The following CUL4A variants were observed in gnomAD, a reference collection of about 807,000 sequenced individuals.
CUL4A encodes the protein cullin-4A.
A neutral mutation model predicts 95.5 loss-of-function variants in CUL4A; 16 were observed. That is an observed-to-expected ratio of 0.17 (90% confidence interval 0.11 to 0.25). The LOEUF (loss-of-function observed/expected upper bound fraction) is 0.25. Ranked by LOEUF, CUL4A falls within the 10% of genes least tolerant of loss-of-function variation. The pLI, the probability that CUL4A is intolerant of heterozygous loss-of-function variation, is 1.00. For synonymous variants in CUL4A, 380 were observed against 353.1 expected (o/e 1.08, Z -0.85); for missense variants, 610 against 937.0 (o/e 0.65, Z 4.56).
chr13:113,208,267 C>A, upstream of CUL4A: 1 of 1,441,978 alleles, frequency 6.9e-7, no homozygotes, highest in African/African-American at 1.4e-5. Context: ...CGGCGTGGCC[C>A]GCAGGCCCTT....
At chr13:113,216,408 T>G (rs1262662402) in intron 2 of CUL4A, among the ~76,000 whole-genome samples, 1 of 152,266 alleles carries the variant, frequency 6.6e-6, no homozygotes, top group African/African-American at 2.4e-5. Flanking sequence ...AATCATTTGA[T>G]GAACCTGCTA....
At chr13:113,263,263 G>A (rs2042336804) in intron 19 of CUL4A, among the ~76,000 whole-genome samples, 1 of 152,150 alleles carries the variant, frequency 6.6e-6, no homozygotes, top group East Asian at 1.9e-4. Context: ...AACTCACATG[G>A]ACGCTTTTTT....
intron 12 of CUL4A, 24 bp from the exon 13 acceptor site, chr13:113,244,924 AT>A (rs1409152704): frequency 7.0e-7 from 1 of 1,427,108 alleles, no homozygotes; most frequent in Non-Finnish European, 9.9e-7. Context: ...TGATGTCTTG[AT>A]TATTCTCGTC....
intron 5 of CUL4A, chr13:113,230,184 A>T (rs906763202): frequency 6.5e-6 from 1 of 153,716 alleles, no homozygotes; most frequent in South Asian, 2.1e-4. Context: ...TTCTTCTCAC[A>T]TTCATACATA....
rs527575602 is a variant in CUL4A at position 113,263,584 on chromosome 13, G to A, written c.*2G>A. 36 of 1,568,268 alleles carry A rather than the reference G, an allele frequency of 2.3e-5. No homozygotes were observed. The highest frequency in any genetic ancestry group is 2.8e-5 in the Non-Finnish European group (32 of 1,151,692). Reference sequence around the variant, plus strand: ...AATCAGTACCACTACGTGGCCTGACGCATCTGCAGACGGTTCCCCTTCATG... The same window carrying A: ...AATCAGTACCACTACGTGGCCTGACACATCTGCAGACGGTTCCCCTTCATG... On this transcript the variant is annotated 3_prime_UTR_variant, in exon 20 of 20. Coordinates refer to ENST00000375440, the MANE Select transcript of CUL4A (RefSeq NM_001008895.4).
At position 113,239,500 on chromosome 13, in the gene CUL4A, G is replaced by C; in HGVS notation, c.984G>C (p.Arg328=). The C allele has an allele frequency of 6.2e-7, 1 of 1,613,820 alleles. No individual in the cohort carries two copies. The highest frequency in any genetic ancestry group is 8.5e-7 in the Non-Finnish European group (1 of 1,179,914). The change falls in exon 10 of 20, where the codon CGG becomes CGC. Residue 328 remains arginine (R), a synonymous_variant. Transcript: ENST00000375440. ...DLAQMYQLFS[R]VRGGQQALLQ... Reference sequence around the variant, plus strand: ...CACAGATGTACCAGCTGTTCAGCCGGGTGAGGGGCGGGCAGCAGGCGCTGC... The same window carrying C: ...CACAGATGTACCAGCTGTTCAGCCGCGTGAGGGGCGGGCAGCAGGCGCTGC...
intron 19 of CUL4A, among the ~76,000 whole-genome samples, chr13:113,261,021 G>A (rs1566377056): frequency 6.6e-6 from 1 of 152,206 alleles, no homozygotes; most frequent in Non-Finnish European, 1.5e-5. Flanking sequence ...GGAAGAGGTA[G>A]ATGGGACATG....
rs780361048 is a variant in CUL4A, at chr13:113,209,956, C to G, written c.149-17C>G. The G allele has an allele frequency of 3.0e-5, 45 of 1,484,270 alleles. No individual in the cohort carries two copies. In the Middle Eastern group the frequency reaches 7.0e-4, roughly 23 times the overall value. 91.9% of individuals were successfully genotyped at this position (1,484,270 alleles called of 1,614,324 possible). On this transcript the variant is annotated splice_polypyrimidine_tract_variant and intron_variant, in intron 1 of 19. Coordinates refer to ENST00000375440, the MANE Select transcript of CUL4A (RefSeq NM_001008895.4). ...CGCGGCGCGCCCTGAGCCGCCCGCT[C>G]TCCCTCCGCCCTGCAGACAGACCTC... is the stretch of plus-strand genomic sequence containing the variant.
Position 113,233,173 on chromosome 13 carries a change from A to G in CUL4A, c.513-4A>G, listed in dbSNP as rs1014915363. Reference sequence around the variant, plus strand: ...TGTAGTCCTGTTTCTTACTGTCTATACAGGGATATGGGATTAGAACTGTTT... The same window carrying G: ...TGTAGTCCTGTTTCTTACTGTCTATGCAGGGATATGGGATTAGAACTGTTT... On this transcript the variant is annotated splice_region_variant and splice_polypyrimidine_tract_variant and intron_variant, in intron 5 of 19. Transcript: ENST00000375440. 3 of 1,613,500 alleles carry G rather than the reference A, an allele frequency of 1.9e-6. No homozygotes were observed. Among genetic ancestry groups the G allele is most frequent in the African/African-American group, 2.7e-5 (2 of 74,916 alleles).
intron 3 of CUL4A, among the ~76,000 whole-genome samples, chr13:113,221,204 T>C (rs2040884662): frequency 6.6e-6 from 1 of 152,210 alleles, no homozygotes; most frequent in South Asian, 2.1e-4. Flanking sequence ...GCTGTGATGC[T>C]AAGTTGCAGA....
rs746563007 is a variant in CUL4A, at chr13:113,254,790, C to T, written c.1850C>T (p.Thr617Met). The change falls in exon 17 of 20, where the codon ACG becomes ATG. Residue 617 changes from threonine (T) to methionine (M), a missense_variant. Thr to Met is a moderately conservative substitution (Grantham distance 81). Transcript: ENST00000375440. ...AGCTTTGAGGAGATAAAAATGGCCA[C>T]GGGGATAGGTACGAAAACTGCAGAG... ...GFSFEEIKMA[T>M]GIEDSELRRT... 4 of 1,612,676 alleles carry T rather than the reference C, an allele frequency of 2.5e-6. No individual in the cohort carries two copies. The highest frequency in any genetic ancestry group is 2.2e-5 in the South Asian group (2 of 90,894).
intron 6 of CUL4A, among the ~76,000 whole-genome samples, 182 bp downstream of exon 6, chr13:113,233,521 A>T (rs1045871832): frequency 5.3e-5 from 8 of 151,868 alleles, no homozygotes; most frequent in Non-Finnish European, 1.2e-4. Context: ...GTGCCACAAA[A>T]GAGAAGATAG....
intron 3 of CUL4A, among the ~76,000 whole-genome samples, chr13:113,220,674 G>A (rs889314009): frequency 2.6e-5 from 4 of 152,164 alleles, no homozygotes; most frequent in Non-Finnish European, 5.9e-5. Context: ...ACTTGAAAAC[G>A]ACTATCTGAT....
At chr13:113,261,207 C>T (rs1321285508) in intron 19 of CUL4A, among the ~76,000 whole-genome samples, 2 of 152,126 alleles carry the variant, frequency 1.3e-5, no homozygotes, top group Admixed American at 6.5e-5. Context: ...TGTCAACCCG[C>T]GTTGTTTTCA....
chr13:113,235,080 C>T lies in CUL4A; in HGVS notation c.783C>T (p.Asn261=). ...MQEREVPEYL[N]HVSKRLEEEG... is the part of the protein sequence containing the mutation. ...TTTGTAAGGTTCCAGAATATCTTAACCATGTAAGTAAACGCTTAGAGGAAG... is the reference window on the plus strand; with the variant it reads ...TTTGTAAGGTTCCAGAATATCTTAATCATGTAAGTAAACGCTTAGAGGAAG... Residue 261 remains asparagine (N), a synonymous_variant, in exon 8 of 20, where the codon AAC becomes AAT. Transcript: ENST00000375440. The T allele has an allele frequency of 1.2e-6, 2 of 1,611,562 alleles. No individual in the cohort carries two copies. Among genetic ancestry groups the T allele is most frequent in the Non-Finnish European group, 1.7e-6 (2 of 1,177,946 alleles).
Position 113,245,986 on chromosome 13 carries a change from A to G in CUL4A, c.1561A>G (p.Ile521Val), listed in dbSNP as rs1481932865. The change falls in exon 15 of 20, where the codon ATA becomes GTA. Residue 521 changes from isoleucine to valine, a missense_variant. Ile to Val is a conservative substitution (Grantham distance 29). Transcript: ENST00000375440. The part of the protein sequence containing the change: ...HMQNQSDSGP[I>V]DLTVNILTMG... ...GCAGAATCAGAGTGACTCAGGCCCTATAGACCTCACAGTGAACATACTCAC... is the reference window on the plus strand; with the variant it reads ...GCAGAATCAGAGTGACTCAGGCCCTGTAGACCTCACAGTGAACATACTCAC... 9 of 1,613,988 alleles carry G rather than the reference A, an allele frequency of 5.6e-6. No individual in the cohort carries two copies. The Admixed American group carries it at 6.7e-5, about 12-fold the overall frequency.
chr13:113,250,264 C>T lies in CUL4A; in HGVS notation c.1639-2818C>T, dbSNP rs75800935. Among the ~76,000 whole-genome samples the T allele has an allele frequency of 2.1e-3, 317 of 152,146 alleles. 2 individuals are homozygous for T. Among genetic ancestry groups the T allele is most frequent in the Non-Finnish European group, 3.9e-3 (265 of 68,016 alleles). ...GCCCAGGAGTTAGGAACAGCCTAGA[C>T]GACATGGTAAAGCCCCGTCTCTACA... On this transcript the variant is annotated intron_variant, in intron 15 of 19. Coordinates refer to ENST00000375440, the MANE Select transcript of CUL4A (RefSeq NM_001008895.4).
At chr13:113,252,395 A>G (rs1239138711) in intron 15 of CUL4A, among the ~76,000 whole-genome samples, 1 of 152,016 alleles carries the variant, frequency 6.6e-6, no homozygotes, top group East Asian at 1.9e-4. Flanking sequence ...ACAAAAATCA[A>G]CGGGCTTGGT....
At chr13:113,234,999 C>A in intron 7 of CUL4A, 64 bp from the exon 8 acceptor site, 3 of 1,219,470 alleles carry the variant, frequency 2.5e-6, no homozygotes, top group Non-Finnish European at 3.5e-6. Flanking sequence ...AACAAAATCT[C>A]AATTTCTTGG....
Sources: allele counts gnomAD v4.1 joint callset (sites outside exome capture counted in the v4.1 genomes callset), GRCh38; gene constraint gnomAD v4.1.1; transcripts MANE v1.5; gene names NCBI Gene and HGNC (gene_info 2026-07-23, HGNC 2026-07-21).